The following TLN2 variants were observed in gnomAD, a reference collection of about 807,000 sequenced individuals.
TLN2 encodes the protein talin-2.
TLN2 carries 118 observed loss-of-function variants against 294.7 expected under a neutral mutation model. That is an observed-to-expected ratio of 0.40 (90% confidence interval 0.34 to 0.47). The LOEUF (loss-of-function observed/expected upper bound fraction) is 0.47, where lower values mean the gene tolerates loss of function less well. Among genes scored for constraint, TLN2 ranks in the 20% least tolerant of loss-of-function variants. The probability of loss-of-function intolerance (pLI) is 0.84; values close to 1 mark genes in which losing one functional copy is unlikely to be tolerated. For missense variants in TLN2, 3,083 were observed against 3,282.2 expected (o/e 0.94, Z 1.48); for synonymous variants, 1,431 against 1,304.5 (o/e 1.10, Z -2.09).
Position 62,702,008 on chromosome 15 carries a change from T to A in TLN2, c.1713T>A (p.Thr571=). Residue 571 remains threonine, a synonymous_variant, in exon 18 of 59, where the codon ACT becomes ACA. Coordinates refer to ENST00000636159, the MANE Select transcript of TLN2 (RefSeq NM_015059.3). The part of the protein sequence containing the change: ...VNLTAGDPAD[T]DYTAVGCAIT... ...CTGTGCCAGGTGACCCTGCAGACAC[T>A]GACTACACAGCTGTGGGATGTGCGA... 1 of 1,614,176 alleles carries A rather than the reference T, an allele frequency of 6.2e-7. No homozygotes were observed. Among genetic ancestry groups the A allele is most frequent in the African/African-American group, 1.3e-5 (1 of 75,066 alleles).
Position 62,647,393 on chromosome 15 carries a change from A to T in TLN2, c.83A>T (p.Tyr28Phe). The T allele has an allele frequency of 6.2e-7, 1 of 1,614,236 alleles. No homozygotes were observed. The highest frequency in any genetic ancestry group is 8.5e-7 in the Non-Finnish European group (1 of 1,180,036). Residue 28 changes from tyrosine (Y) to phenylalanine (F), a missense_variant, in exon 4 of 59, where the codon TAC (tyrosine) becomes TTC (phenylalanine). By Grantham distance (22) the Tyr-to-Phe change is conservative (BLOSUM62 3). Transcript: ENST00000636159. ...CAGTTTGAACCATCTACAGCTGTGTACGATGCGTGTCGAGTCATTCGGGAA... is the reference window on the plus strand; with the variant it reads ...CAGTTTGAACCATCTACAGCTGTGTTCGATGCGTGTCGAGTCATTCGGGAA... ...TMQFEPSTAVYDACRVIRERV... is the reference protein window; with the variant it reads ...TMQFEPSTAVFDACRVIRERV...
Position 62,770,408 on chromosome 15 carries a change from C to CT in TLN2, c.5197-549dup, listed in dbSNP as rs374654807. ...AGGCAGTGGTTCCTGTCGGGATAAG[C>CT]TTTTTTTGTTCTCCCAAGTTGGGCG... On this transcript the variant is annotated intron_variant, in intron 41 of 58. Coordinates refer to ENST00000636159, the MANE Select transcript of TLN2 (RefSeq NM_015059.3). 2.9e-3 allele frequency among the ~76,000 whole-genome samples: 437 copies of CT among 152,270 alleles called. 1 individual carries two copies. The highest frequency in any genetic ancestry group is 0.01 in the African/African-American group (419 of 41,552).
chr15:62,640,673 G>C (rs1412974636), intron 3 of TLN2, among the ~76,000 whole-genome samples: 4 of 152,204 alleles, frequency 2.6e-5, no homozygotes, highest in African/African-American at 9.7e-5. Context: ...AGGTGCTATA[G>C]GAGTTAGCTG....
Position 62,685,897 on chromosome 15 carries a change from A to G in TLN2, c.958-744A>G, listed in dbSNP as rs114713814. Among the ~76,000 whole-genome samples, 322 of 152,212 alleles carry G rather than the reference A, an allele frequency of 2.1e-3. 2 individuals are homozygous for G. The highest frequency in any genetic ancestry group is 7.5e-3 in the African/African-American group (313 of 41,526). On this transcript the variant is annotated intron_variant, in intron 11 of 58. Transcript: ENST00000636159. ...TGTATATTTTGAGTTAAGCATATTA[A>G]TCGTTTCCTTTATGGCTTCTTATGT...
chr15:62,586,461 T>G (rs2045622454), intron 1 of TLN2, among the ~76,000 whole-genome samples: 1 of 152,240 alleles, frequency 6.6e-6, no homozygotes, highest in Admixed American at 6.5e-5. Flanking sequence ...GAATTATGAC[T>G]TTTTAGCCAA....
chr15:62,519,932 G>A (rs1367155882), intron 1 of TLN2, among the ~76,000 whole-genome samples: 1 of 152,206 alleles, frequency 6.6e-6, no homozygotes, highest in Non-Finnish European at 1.5e-5. Context: ...AGGTTTAGTG[G>A]ACTCACAGTT....
rs370252081 is a variant in TLN2 at position 62,717,598 on chromosome 15, C to T, written c.2786C>T (p.Ala929Val). ...CAGGTTGCAGCCAAGCAGGCCGCAG[C>T]GGCAGCCACACAGACCATCGCCGCC... ...RLEVAAKQAA[A>V]AATQTIAASQ... is the part of the protein sequence containing the mutation. Residue 929 changes from alanine to valine, a missense_variant, in exon 24 of 59, where the codon GCG becomes GTG. Ala to Val is a moderately conservative substitution (Grantham distance 64, BLOSUM62 0). Transcript: ENST00000636159. 2.2e-5 allele frequency: 35 copies of T among 1,585,346 alleles called. No homozygotes were observed. The African/African-American group carries it at 3.2e-4, about 15-fold the overall frequency.
intron 32 of TLN2, among the ~76,000 whole-genome samples, chr15:62,744,794 C>T (rs1020219405): frequency 3.3e-5 from 5 of 152,188 alleles, no homozygotes; most frequent in East Asian, 1.9e-4. Context: ...GATCCACCCA[C>T]CTCGGCCTCC....
At chr15:62,648,396 C>A (rs1217979651) in intron 4 of TLN2, among the ~76,000 whole-genome samples, 1 of 109,522 alleles carries the variant, frequency 9.1e-6, no homozygotes, top group African/African-American at 3.7e-5. Context: ...TGAAGCGAGA[C>A]CCTGACTCAA....
At chr15:62,748,506 T>C in intron 33 of TLN2, 62 bp downstream of exon 33, 1 of 1,277,134 alleles carries the variant, frequency 7.8e-7, no homozygotes, top group South Asian at 1.2e-5. Flanking sequence ...TGTGTGTCTG[T>C]GTGTCTGTCT....
At position 62,789,576 on chromosome 15, in the gene TLN2, A is replaced by G. The variant is rs1038290826; in HGVS notation, c.5737-3065A>G. 3.3e-5 allele frequency among the ~76,000 whole-genome samples: 5 copies of G among 152,166 alleles called. No homozygotes were observed. In the East Asian group the frequency reaches 9.6e-4, roughly 29 times the overall value. On this transcript the variant is annotated intron_variant, in intron 45 of 58. Transcript: ENST00000636159. ...AGTGTTGTTGAGGATGTGTCCCACC[A>G]TGGATCATGTCATCCCATAGGGTTC...
intron 3 of TLN2, among the ~76,000 whole-genome samples, chr15:62,631,939 T>A (rs753271704): frequency 1.3e-5 from 2 of 152,090 alleles, no homozygotes; most frequent in Non-Finnish European, 2.9e-5. Context: ...GATGATAAAA[T>A]CTGTCAACCT....
chr15:62,781,127 C>T lies in TLN2; in HGVS notation c.5515-13C>T. 1 of 1,606,786 alleles carries T rather than the reference C, an allele frequency of 6.2e-7. No homozygotes were observed. Among genetic ancestry groups the T allele is most frequent in the Non-Finnish European group, 8.5e-7 (1 of 1,173,404 alleles). ...TTCTTATGACCTTTGGATTCTTTTC[C>T]TCTCCTCTGTAGCTGGATGAAGGCA... On this transcript the variant is annotated splice_polypyrimidine_tract_variant and intron_variant, in intron 43 of 58. Transcript: ENST00000636159.
intron 1 of TLN2, among the ~76,000 whole-genome samples, chr15:62,421,092 G>T (rs1319501365): frequency 1.3e-5 from 2 of 152,136 alleles, no homozygotes; most frequent in Non-Finnish European, 2.9e-5. Flanking sequence ...AGTTGGTTTG[G>T]CGATAATTTC....
chr15:62,427,355 C>A (rs1271820356), intron 1 of TLN2, among the ~76,000 whole-genome samples: 4 of 152,258 alleles, frequency 2.6e-5, no homozygotes, highest in South Asian at 4.1e-4. Flanking sequence ...GGGTTACTTA[C>A]TTTTATTCTC....
chr15:62,723,763 T>C (rs975848678), intron 26 of TLN2, among the ~76,000 whole-genome samples: 1 of 151,910 alleles, frequency 6.6e-6, no homozygotes, highest in Non-Finnish European at 1.5e-5. Context: ...TTGCCCAGGC[T>C]GGTCTTGAAC....
At chr15:62,507,824 T>C (rs1294344358) in intron 1 of TLN2, among the ~76,000 whole-genome samples, 2 of 152,230 alleles carry the variant, frequency 1.3e-5, no homozygotes, top group Non-Finnish European at 2.9e-5. Flanking sequence ...TTTTGCCCTT[T>C]TGTCTTCTGA....
chr15:62,718,768 C>G (rs2059941516), intron 24 of TLN2, among the ~76,000 whole-genome samples: 1 of 152,198 alleles, frequency 6.6e-6, no homozygotes, highest in African/African-American at 2.4e-5. Context: ...TCTCAGGAAG[C>G]ATGTGCTGCT....
At chr15:62,610,437 A>G (rs533949952) in intron 2 of TLN2, among the ~76,000 whole-genome samples, 1 of 152,344 alleles carries the variant, frequency 6.6e-6, no homozygotes, top group Admixed American at 6.5e-5. Flanking sequence ...TTGATTCATT[A>G]ACATTGAATT....
Sources: allele counts gnomAD v4.1 joint callset (sites outside exome capture counted in the v4.1 genomes callset), GRCh38; gene constraint gnomAD v4.1.1; transcripts MANE v1.5; gene names NCBI Gene and HGNC (gene_info 2026-07-23, HGNC 2026-07-21).